The following CSNK2A2IP variants were observed in gnomAD, a reference collection of about 807,000 sequenced individuals.
CSNK2A2IP encodes casein kinase 2 subunit alpha' interacting protein.
the CSNK2A2IP span, among the ~76,000 whole-genome samples, chr3:88,396,931 A>C: frequency 6.6e-6 from 1 of 152,158 alleles, no homozygotes; most frequent in Non-Finnish European, 1.5e-5. Context: ...GGTAATTTAG[A>C]GAAAAAATAC....
At chr3:88,434,146 C>T in the CSNK2A2IP span, among the ~76,000 whole-genome samples, 1 of 152,092 alleles carries the variant, frequency 6.6e-6, no homozygotes, top group Non-Finnish European at 1.5e-5. Context: ...TAGTAAGGAT[C>T]CTTTGTTTGC....
At chr3:88,359,845 T>C in the CSNK2A2IP span, among the ~76,000 whole-genome samples, 1 of 152,188 alleles carries the variant, frequency 6.6e-6, no homozygotes, top group East Asian at 1.9e-4. Flanking sequence ...TTTGTGGCTG[T>C]TGGATGAAAT....
the CSNK2A2IP span, among the ~76,000 whole-genome samples, chr3:88,415,211 C>A: frequency 4.6e-5 from 7 of 151,904 alleles, no homozygotes; most frequent in South Asian, 6.2e-4. Context: ...AAACTCAAAT[C>A]AAAAATAACC....
At chr3:88,364,017 C>A in the CSNK2A2IP span, among the ~76,000 whole-genome samples, 1 of 152,118 alleles carries the variant, frequency 6.6e-6, no homozygotes, top group African/African-American at 2.4e-5. Context: ...CTGTGCAATA[C>A]TCTCTTCTTT....
At chr3:88,381,433 G>T in the CSNK2A2IP span, among the ~76,000 whole-genome samples, 1 of 152,170 alleles carries the variant, frequency 6.6e-6, no homozygotes, top group Non-Finnish European at 1.5e-5. Context: ...GGAATAGTAT[G>T]GGCTGGCTCT....
chr3:88,370,258 G>T, the CSNK2A2IP span, among the ~76,000 whole-genome samples: 2 of 151,838 alleles, frequency 1.3e-5, no homozygotes, highest in Non-Finnish European at 2.9e-5. Context: ...TGCATATTCA[G>T]GGAGATAAAG....
the CSNK2A2IP span, among the ~76,000 whole-genome samples, chr3:88,355,538 T>C: frequency 6.6e-6 from 1 of 152,316 alleles, no homozygotes; most frequent in South Asian, 2.1e-4. Context: ...CTGTACAGAC[T>C]TCTGTACATT....
chr3:88,465,080 G>A, the CSNK2A2IP span: 1 of 272,800 alleles, frequency 3.7e-6, no homozygotes, highest in Non-Finnish European at 6.8e-6. Flanking sequence ...TTACTATTTT[G>A]TTAACAGGCA....
At chr3:88,375,845 C>A in the CSNK2A2IP span, among the ~76,000 whole-genome samples, 35 of 151,768 alleles carry the variant, frequency 2.3e-4, no homozygotes, top group Non-Finnish European at 1.5e-5. Context: ...TCTTTTTCAA[C>A]TGGACTGTGC....
At chr3:88,460,859 G>T in the CSNK2A2IP span, among the ~76,000 whole-genome samples, 129 of 152,142 alleles carry the variant, frequency 8.5e-4, no homozygotes, top group African/African-American at 3.0e-3. Context: ...AGGCCAAGGC[G>T]GGTAGATCAC....
the CSNK2A2IP span, among the ~76,000 whole-genome samples, chr3:88,421,572 G>T: frequency 6.6e-6 from 1 of 151,958 alleles, no homozygotes; most frequent in South Asian, 2.1e-4. Flanking sequence ...ATGCCACCAC[G>T]CCTGGCTAAC....
At chr3:88,462,464 C>T in the CSNK2A2IP span, among the ~76,000 whole-genome samples, 7 of 151,992 alleles carry the variant, frequency 4.6e-5, no homozygotes, top group Non-Finnish European at 7.4e-5. Context: ...TGGTGTCTCA[C>T]CAGTAAGAGT....
At chr3:88,351,458 CAG>C in the CSNK2A2IP span, among the ~76,000 whole-genome samples, 1 of 151,982 alleles carries the variant, frequency 6.6e-6, no homozygotes, top group Middle Eastern at 3.4e-3. Flanking sequence ...AAAATTCAGA[CAG>C]AGGCAAAAGC....
the CSNK2A2IP span, among the ~76,000 whole-genome samples, chr3:88,463,253 G>GTTTTTTTT: frequency 4.1e-4 from 59 of 144,018 alleles, no homozygotes; most frequent in African/African-American, 1.5e-3. Context: ...GATCACTTTA[G>GTTTTTTTT]TTTTTTTTTT....
the CSNK2A2IP span, among the ~76,000 whole-genome samples, chr3:88,444,668 T>C: frequency 6.6e-6 from 1 of 152,236 alleles, no homozygotes; most frequent in Non-Finnish European, 1.5e-5. Flanking sequence ...TCTGCATTAC[T>C]GAAATCTAAT....
the CSNK2A2IP span, chr3:88,465,561 A>C: frequency 1.6e-6 from 2 of 1,231,616 alleles, no homozygotes; most frequent in South Asian, 8.2e-5. Context: ...AGAGATGCTC[A>C]GTATTGCCTT....
chr3:88,396,194 C>T, the CSNK2A2IP span, among the ~76,000 whole-genome samples: 7 of 150,718 alleles, frequency 4.6e-5, no homozygotes, highest in Admixed American at 3.3e-4. Context: ...AGGCTCCGCC[C>T]CCTGGGGTTC....
chr3:88,433,004 T>C, the CSNK2A2IP span, among the ~76,000 whole-genome samples: 1 of 151,900 alleles, frequency 6.6e-6, no homozygotes, highest in African/African-American at 2.4e-5. Flanking sequence ...AATATCAGGC[T>C]GTATGTATTG....
At chr3:88,352,870 C>T in the CSNK2A2IP span, among the ~76,000 whole-genome samples, 3 of 152,152 alleles carry the variant, frequency 2.0e-5, no homozygotes, top group African/African-American at 4.8e-5. Flanking sequence ...TTACTCTTTA[C>T]TCAATATGAT....
Sources: gnomAD v4.1 joint callset for allele counts (sites outside exome capture counted in the v4.1 genomes callset) on GRCh38, gnomAD v4.1.1 for gene constraint, MANE v1.5 for transcripts, NCBI Gene and HGNC (gene_info 2026-07-23, HGNC 2026-07-21) for gene names.